The following AGO3 variants were observed in gnomAD, a reference collection of about 807,000 sequenced individuals.
AGO3 encodes the protein protein argonaute-3.
In AGO3, 16 loss-of-function variants were observed where a neutral mutation model predicts 105.5. The observed-to-expected ratio is 0.15, with a 90% CI of 0.10 to 0.23. AGO3 has a LOEUF of 0.23. Among genes scored for constraint, AGO3 ranks in the 10% least tolerant of loss-of-function variants. AGO3 has a pLI of 1.00. For synonymous variants in AGO3, 340 were observed against 367.3 expected, an observed-to-expected ratio of 0.93 and a Z score of 0.85; for missense variants, 534 against 1,088.0, an observed-to-expected ratio of 0.49 and a Z score of 7.16.
At chr1:36,051,539 G>A (rs1010274508) in intron 17 of AGO3, among the ~76,000 whole-genome samples, 1 of 151,876 alleles carries the variant, frequency 6.6e-6, no homozygotes, top group Admixed American at 6.6e-5. Flanking sequence ...GGGCAACATA[G>A]TGAGACCTCA....
intron 5 of AGO3, among the ~76,000 whole-genome samples, chr1:35,997,135 C>T (rs552391549): frequency 7.9e-5 from 12 of 151,828 alleles, no homozygotes; most frequent in African/African-American, 2.7e-4. Context: ...AAAAATTAGA[C>T]GGGTGTGGTG....
intron 11 of AGO3, among the ~76,000 whole-genome samples, chr1:36,018,879 T>C (rs1453899874): frequency 2.0e-5 from 3 of 151,898 alleles, no homozygotes; most frequent in Non-Finnish European, 4.4e-5. Flanking sequence ...GAAGTCTTGA[T>C]CCACAATCTT....
chr1:35,985,170 C>G (rs1308031281), intron 5 of AGO3, among the ~76,000 whole-genome samples: 1 of 152,080 alleles, frequency 6.6e-6, no homozygotes, highest in African/African-American at 2.4e-5. Flanking sequence ...GTAGTCCCAG[C>G]TACTCAAGAG....
intron 1 of AGO3, among the ~76,000 whole-genome samples, chr1:35,936,462 A>G (rs1227052413): frequency 6.6e-6 from 1 of 152,178 alleles, no homozygotes; most frequent in Non-Finnish European, 1.5e-5. Flanking sequence ...CTCGTCGCCC[A>G]GGCTAGAGTG....
chr1:35,976,857 T>C, intron 5 of AGO3, among the ~76,000 whole-genome samples: 1 of 152,046 alleles, frequency 6.6e-6, no homozygotes, highest in Middle Eastern at 3.2e-3. Flanking sequence ...CTTTGTCAAG[T>C]TTTGGTATTA....
chr1:35,984,771 G>A lies in AGO3; in HGVS notation c.658+11260G>A, dbSNP rs910815022. On this transcript the variant is annotated intron_variant, in intron 5 of 18. Transcript: ENST00000373191. ...AATAAATCCAAGAGCATAGGAGGAG[G>A]AGCATCCAAATGAGCCTGAAAAATT... 2.6e-5 allele frequency among the ~76,000 whole-genome samples: 4 copies of A among 152,158 alleles called. No homozygotes were observed. In the South Asian group the frequency reaches 8.3e-4, roughly 32 times the overall value.
At chr1:36,029,391 CTTT>C (rs71034710) in intron 12 of AGO3, among the ~76,000 whole-genome samples, 2 of 121,678 alleles carry the variant, frequency 1.6e-5, no homozygotes, top group Non-Finnish European at 1.8e-5. Flanking sequence ...CTCTTTCTTT[CTTT>C]TTTTTTTTTT....
chr1:35,938,725 TTAGAAG>T (rs1258919309), intron 1 of AGO3, among the ~76,000 whole-genome samples: 5 of 152,340 alleles, frequency 3.3e-5, no homozygotes, highest in African/African-American at 1.2e-4. Context: ...GGATAAATTG[TTAGAAG>T]TAGAATTATT....
Position 36,008,629 on chromosome 1 carries a change from A to T in AGO3, c.794-61A>T. 1 of 1,513,230 alleles carries T rather than the reference A, an allele frequency of 6.6e-7. No homozygotes were observed. Among genetic ancestry groups the T allele is most frequent in the Non-Finnish European group, 9.1e-7 (1 of 1,096,350 alleles). The allele number at this position is 1,513,230 out of a possible 1,614,324, so 93.7% of individuals were successfully genotyped here. Reference sequence around the variant, plus strand: ...GTTTTTATGGTAATGAACAGGCTTTATAAGTATAAATATTTTACATGTGAC... The same window carrying T: ...GTTTTTATGGTAATGAACAGGCTTTTTAAGTATAAATATTTTACATGTGAC... On this transcript the variant is annotated intron_variant, in intron 6 of 18. Transcript: ENST00000373191. The surrounding 1 kb of genome is among the most constrained non-coding windows in gnomAD (Gnocchi z 5.1).
intron 3 of AGO3, among the ~76,000 whole-genome samples, chr1:35,971,404 C>G (rs1378801554): frequency 1.3e-5 from 2 of 151,182 alleles, no homozygotes; most frequent in Non-Finnish European, 2.9e-5. Flanking sequence ...AGTGATCAGC[C>G]TGCCTCAGCC....
intron 1 of AGO3, among the ~76,000 whole-genome samples, chr1:35,943,438 A>G (rs1449472298): frequency 2.0e-5 from 3 of 149,130 alleles, no homozygotes; most frequent in African/African-American, 7.5e-5. Context: ...GGTATCTGGG[A>G]TTACAGGTGC....
intron 12 of AGO3, among the ~76,000 whole-genome samples, chr1:36,032,445 G>A (rs1376299440): frequency 6.6e-6 from 1 of 151,928 alleles, no homozygotes; most frequent in Admixed American, 6.6e-5. Context: ...GCAATGACAC[G>A]ATCATAGTTC....
chr1:36,000,863 T>G (rs1364345796), intron 5 of AGO3, among the ~76,000 whole-genome samples: 1 of 151,994 alleles, frequency 6.6e-6, no homozygotes, highest in African/African-American at 2.4e-5. Context: ...TTTTAATTAG[T>G]TAGAAACTGG....
At chr1:35,938,970 G>T (rs1261180252) in intron 1 of AGO3, among the ~76,000 whole-genome samples, 1 of 151,964 alleles carries the variant, frequency 6.6e-6, no homozygotes, top group Non-Finnish European at 1.5e-5. Flanking sequence ...GAAATGTATG[G>T]TTTTATGTTT....
chr1:35,937,991 T>C (rs1646182922), intron 1 of AGO3, among the ~76,000 whole-genome samples: 1 of 151,236 alleles, frequency 6.6e-6, no homozygotes, highest in Non-Finnish European at 1.5e-5. Flanking sequence ...TTTTTTTTTT[T>C]TTTTTTTGAG....
At chr1:35,977,183 C>G (rs1232931182) in intron 5 of AGO3, among the ~76,000 whole-genome samples, 1 of 147,234 alleles carries the variant, frequency 6.8e-6, no homozygotes, top group South Asian at 2.1e-4. Flanking sequence ...GATTATTATG[C>G]ATTATATGCT....
At chr1:36,013,255 T>C (rs1446447250) in intron 9 of AGO3, among the ~76,000 whole-genome samples, 3 of 152,092 alleles carry the variant, frequency 2.0e-5, no homozygotes, top group African/African-American at 7.2e-5. Context: ...TTTAATTTTT[T>C]TGTAGAGACA....
chr1:35,980,810 ACAT>A (rs1647038539), intron 5 of AGO3, among the ~76,000 whole-genome samples: 1 of 152,192 alleles, frequency 6.6e-6, no homozygotes, highest in Non-Finnish European at 1.5e-5. Context: ...TTATTAAGTG[ACAT>A]CAGTAAAATT....
intron 5 of AGO3, among the ~76,000 whole-genome samples, chr1:35,997,540 G>A (rs1483343511): frequency 6.6e-6 from 1 of 152,116 alleles, no homozygotes; most frequent in African/African-American, 2.4e-5. Flanking sequence ...TCCAACCGTA[G>A]GCTCATATAA....
Sources: allele counts gnomAD v4.1 joint callset (sites outside exome capture counted in the v4.1 genomes callset), GRCh38; gene constraint gnomAD v4.1.1; non-coding constraint Gnocchi (gnomAD v3.1); transcripts MANE v1.5; gene names NCBI Gene and HGNC (gene_info 2026-07-23, HGNC 2026-07-21).